The following TAOK1 variants were observed in gnomAD, a reference collection of about 807,000 sequenced individuals.
TAOK1 encodes serine/threonine-protein kinase TAO1.
Under a neutral mutation model 138.3 loss-of-function variants are expected in TAOK1, and 21 were observed. That is an observed-to-expected ratio of 0.15 (90% CI 0.11 to 0.22). The LOEUF (loss-of-function observed/expected upper bound fraction) is 0.22, where lower values mean the gene tolerates loss of function less well. Ranked by LOEUF, TAOK1 falls within the 10% of genes least tolerant of loss-of-function variation. The pLI is 1.00. For missense variants in TAOK1, 651 were observed against 1,227.7 expected, an observed-to-expected ratio of 0.53 and a Z score of 7.02; for synonymous variants, 361 against 398.4, an observed-to-expected ratio of 0.91 and a Z score of 1.12.
At chr17:29,492,940 A>C (rs934191296) in intron 10 of TAOK1, among the ~76,000 whole-genome samples, 11 of 151,950 alleles carry the variant, frequency 7.2e-5, no homozygotes, top group Non-Finnish European at 8.8e-5. Flanking sequence ...CAGCAGTTTG[A>C]GACCAGCCTG....
chr17:29,444,410 A>G (rs967852700), intron 1 of TAOK1, among the ~76,000 whole-genome samples: 1 of 152,226 alleles, frequency 6.6e-6, no homozygotes, highest in African/African-American at 2.4e-5. Context: ...GAACTTTAGT[A>G]TGTATAGAAA....
intron 1 of TAOK1, among the ~76,000 whole-genome samples, chr17:29,393,362 A>G (rs1030269145): frequency 1.3e-5 from 2 of 152,200 alleles, no homozygotes; most frequent in African/African-American, 2.4e-5. Context: ...TCAGCATGCT[A>G]TAACTAAGGA....
intron 2 of TAOK1, among the ~76,000 whole-genome samples, chr17:29,463,507 G>GCA (rs1188090347): frequency 6.6e-6 from 1 of 151,406 alleles, no homozygotes; most frequent in Middle Eastern, 3.2e-3. Context: ...GGAGGTGGAG[G>GCA]TTGCAGTGAG....
chr17:29,531,652 A>C (rs2032111156), intron 18 of TAOK1, among the ~76,000 whole-genome samples: 1 of 150,650 alleles, frequency 6.6e-6, no homozygotes, highest in East Asian at 2.1e-4. Context: ...AATCCCAGCT[A>C]CTCTGGAGGC....
At chr17:29,403,185 A>AAAAC (rs372192529) in intron 1 of TAOK1, among the ~76,000 whole-genome samples, 1 of 149,914 alleles carries the variant, frequency 6.7e-6, no homozygotes, top group East Asian at 1.9e-4. Context: ...AAAAAAAAAA[A>AAAAC]TCAGTGTGCT....
intron 13 of TAOK1, among the ~76,000 whole-genome samples, chr17:29,507,271 T>TG (rs2031645515): frequency 6.6e-6 from 1 of 151,666 alleles, no homozygotes; most frequent in South Asian, 2.1e-4. Context: ...GTTTTTTTTT[T>TG]GTTTTTTTTT....
intron 2 of TAOK1, among the ~76,000 whole-genome samples, chr17:29,457,199 A>C (rs1242386051): frequency 7.1e-6 from 1 of 140,024 alleles, no homozygotes; most frequent in Non-Finnish European, 1.5e-5. Context: ...TCCTGGGTTC[A>C]AGCACCCCTC....
rs11867968 is a variant in TAOK1 at position 29,542,172 on chromosome 17, C to T, written c.2545-389C>T. On this transcript the variant is annotated intron_variant, in intron 19 of 19. Transcript: ENST00000261716. ...GACTACAGGCGTGAGCCACCGCGCC[C>T]GGCCTTGATTTTTAAATGTATATCC... 1.3e-3 allele frequency among the ~76,000 whole-genome samples: 197 copies of T among 152,236 alleles called. 1 individual carries two copies. Among genetic ancestry groups the T allele is most frequent in the Non-Finnish European group, 2.5e-3 (173 of 68,002 alleles).
At chr17:29,478,188 T>C in intron 5 of TAOK1, 63 bp from the exon 6 acceptor site, 1 of 1,225,712 alleles carries the variant, frequency 8.2e-7, no homozygotes. Context: ...GCCCCATGTA[T>C]TAGATATGTA....
intron 1 of TAOK1, among the ~76,000 whole-genome samples, chr17:29,431,680 C>T (rs879327761): frequency 6.6e-6 from 1 of 151,918 alleles, no homozygotes; most frequent in Non-Finnish European, 1.5e-5. Context: ...GCTCTTGTCA[C>T]CCAGGCTGGA....
At chr17:29,394,130 T>G (rs1013307110) in intron 1 of TAOK1, among the ~76,000 whole-genome samples, 20 of 151,034 alleles carry the variant, frequency 1.3e-4, no homozygotes, top group African/African-American at 4.9e-4. Context: ...ATGAGTATGA[T>G]TTATTTTAAT....
intron 1 of TAOK1, among the ~76,000 whole-genome samples, chr17:29,407,909 C>T (rs568026500): frequency 6.6e-6 from 1 of 152,260 alleles, no homozygotes; most frequent in South Asian, 2.1e-4. Context: ...GGCTCTGTCA[C>T]CCAGGCTGCT....
At chr17:29,424,208 G>A (rs945355584) in intron 1 of TAOK1, among the ~76,000 whole-genome samples, 3 of 151,720 alleles carry the variant, frequency 2.0e-5, no homozygotes, top group Admixed American at 6.6e-5. Context: ...AGGCCGAGAC[G>A]GGCAGATCAC....
chr17:29,410,353 C>T (rs746278375), intron 1 of TAOK1, among the ~76,000 whole-genome samples: 56 of 152,242 alleles, frequency 3.7e-4, no homozygotes, highest in Admixed American at 9.8e-4. Context: ...CAGGTTCAAG[C>T]GATTCTCCTT....
chr17:29,462,949 CTTTG>C (rs1312831108), intron 2 of TAOK1, among the ~76,000 whole-genome samples: 6 of 151,892 alleles, frequency 4.0e-5, no homozygotes, highest in Admixed American at 3.9e-4. Flanking sequence ...GTATTGTGTT[CTTTG>C]TTAGTTACTT....
intron 1 of TAOK1, among the ~76,000 whole-genome samples, chr17:29,408,882 T>G (rs557778887): frequency 1.8e-4 from 27 of 151,792 alleles, no homozygotes; most frequent in African/African-American, 6.3e-4. Flanking sequence ...CTGGCTAATT[T>G]TTTGTATTTT....
In TAOK1 at chr17:29,399,923, G is replaced by T. The variant is rs185070536; in HGVS notation, c.-95+8899G>T. On this transcript the variant is annotated intron_variant, in intron 1 of 19. Coordinates refer to ENST00000261716, the MANE Select transcript of TAOK1 (RefSeq NM_020791.4). ...TTTTTTTTATTTTTAGTACAGACGA[G>T]ATCTCACTATGTTGCCCAGGTTGGT... Among the ~76,000 whole-genome samples, 374 of 151,990 alleles carry T rather than the reference G, an allele frequency of 2.5e-3. 3 individuals carry two copies. The highest frequency in any genetic ancestry group is 8.1e-3 in the African/African-American group (336 of 41,426).
intron 1 of TAOK1, among the ~76,000 whole-genome samples, chr17:29,435,207 A>G (rs953248987): frequency 7.9e-5 from 12 of 152,206 alleles, no homozygotes; most frequent in Non-Finnish European, 1.3e-4. Flanking sequence ...GCAGCTGGAG[A>G]TTGCTGGTTA....
chr17:29,499,220 T>C (rs1299901073), intron 12 of TAOK1, among the ~76,000 whole-genome samples: 1 of 147,818 alleles, frequency 6.8e-6, no homozygotes, highest in Non-Finnish European at 1.5e-5. Context: ...TTATCCATAA[T>C]GTTTATATCT....
Sources: gnomAD v4.1 joint callset for allele counts (sites outside exome capture counted in the v4.1 genomes callset) on GRCh38, gnomAD v4.1.1 for gene constraint, MANE v1.5 for transcripts, NCBI Gene and HGNC (gene_info 2026-07-23, HGNC 2026-07-21) for gene names.